The following TG variants were observed in gnomAD, a reference collection of about 807,000 sequenced individuals.
TG encodes the protein thyroglobulin.
In TG, 270 loss-of-function variants were observed where a neutral mutation model predicts 324.7. That is an observed-to-expected ratio of 0.83 (90% CI 0.75 to 0.92). TG has a LOEUF of 0.92. Ranked by LOEUF, TG falls within the 40% of genes least tolerant of loss-of-function variation. TG has a pLI of 0.00. For synonymous variants in TG, 1,401 were observed against 1,327.0 expected (o/e 1.06, Z -1.21); for missense variants, 3,591 against 3,456.4 (o/e 1.04, Z -0.98).
At position 133,038,379 on chromosome 8, in the gene TG, C is replaced by T. The variant is rs147729701; in HGVS notation, c.7239+8356C>T. Reference sequence around the variant, plus strand: ...GGTCATGATGTGGATAGAGAAGATGCGAATTTGAGTCTCCATGTGGCTTCT... The same window carrying T: ...GGTCATGATGTGGATAGAGAAGATGTGAATTTGAGTCTCCATGTGGCTTCT... On this transcript the variant is annotated intron_variant, in intron 41 of 47. Coordinates refer to ENST00000220616, the MANE Select transcript of TG (RefSeq NM_003235.5). 718 of 665,450 alleles carry T rather than the reference C, an allele frequency of 1.1e-3. 6 individuals are homozygous for T. In the East Asian group the frequency reaches 0.015, roughly 13 times the overall value. 41.2% of individuals were successfully genotyped at this position (665,450 alleles called of 1,614,324 possible).
At chr8:133,097,993 A>G (rs1848684946) in intron 43 of TG, among the ~76,000 whole-genome samples, 1 of 152,134 alleles carries the variant, frequency 6.6e-6, no homozygotes, top group Non-Finnish European at 1.5e-5. Context: ...AGTAAAACTT[A>G]GTCACCCTCA....
rs34491481 is a variant in TG, at chr8:132,930,683, CAA to C, written c.4816+1505_4816+1506del. Among the ~76,000 whole-genome samples the C allele has an allele frequency of 2.7e-3, 346 of 128,784 alleles. 1 individual carries two copies. Among genetic ancestry groups the C allele is most frequent in the East Asian group, 5.6e-3 (26 of 4,638 alleles). The allele number at this position is 128,784 out of a possible 152,430, so 84.5% of individuals were successfully genotyped here. On this transcript the variant is annotated intron_variant, in intron 23 of 47. Transcript: ENST00000220616. ...CTGGGCATCAAGAGTGAAACTCCGT[CAA>C]AAAAAAAAAAAAAGGAAGGGCAAAC...
At chr8:133,133,390 G>C in intron 46 of TG, 80 bp from the exon 47 acceptor site, 3 of 1,373,452 alleles carry the variant, frequency 2.2e-6, no homozygotes, top group Non-Finnish European at 3.1e-6. Flanking sequence ...CAGATACCGA[G>C]TGCAAGTGGG....
chr8:133,003,052 C>T (rs2130842990), intron 35 of TG: 4 of 1,067,386 alleles, frequency 3.7e-6, no homozygotes, highest in Non-Finnish European at 4.6e-6. Context: ...AGGTACCTCT[C>T]CTCTTTCCCT....
At chr8:133,129,809 G>C (rs746555832) in intron 45 of TG, among the ~76,000 whole-genome samples, 1 of 152,126 alleles carries the variant, frequency 6.6e-6, no homozygotes, top group Non-Finnish European at 1.5e-5. Context: ...TTATTTATCA[G>C]GTCATGACCT....
Position 133,029,867 on chromosome 8 carries a change from G to T in TG, c.7083G>T (p.Ala2361=), listed in dbSNP as rs116723711. Residue 2361 remains alanine, a synonymous_variant, in exon 41 of 48, where the codon GCG becomes GCT. Transcript: ENST00000220616. ...ACTGGGGGCTGCTGGACCAGGTGGC[G>T]GCTCTGACCTGGGTGCAGACCCACA... ...SGNWGLLDQV[A]ALTWVQTHIR... 5,538 of 1,614,216 alleles carry T rather than the reference G, an allele frequency of 3.4e-3. 18 individuals are homozygous for T. Among genetic ancestry groups the T allele is most frequent in the Middle Eastern group, 5.6e-3 (34 of 6,060 alleles).
At chr8:132,977,131 C>T (rs986500982) in intron 34 of TG, among the ~76,000 whole-genome samples, 2 of 152,198 alleles carry the variant, frequency 1.3e-5, no homozygotes, top group Admixed American at 1.3e-4. Context: ...GATGTAAAAT[C>T]CCAGCACTGA....
chr8:133,042,845 C>G lies in TG; in HGVS notation c.7239+12822C>G, dbSNP rs902384383. Among the ~76,000 whole-genome samples the G allele has an allele frequency of 1.6e-4, 24 of 151,782 alleles. 1 individual carries two copies. Among genetic ancestry groups the G allele is most frequent in the African/African-American group, 5.6e-4 (23 of 41,306 alleles). Reference sequence around the variant, plus strand: ...AATAGTTGGGATTACAGGCGCCCACCACCACACCTGGCTAAATTTTGTATT... The same window carrying G: ...AATAGTTGGGATTACAGGCGCCCACGACCACACCTGGCTAAATTTTGTATT... On this transcript the variant is annotated intron_variant, in intron 41 of 47. Coordinates refer to ENST00000220616, the MANE Select transcript of TG (RefSeq NM_003235.5).
intron 41 of TG, among the ~76,000 whole-genome samples, chr8:133,056,370 G>A (rs950742127): frequency 6.6e-5 from 10 of 152,164 alleles, no homozygotes; most frequent in African/African-American, 2.4e-4. Flanking sequence ...GATTTGACAC[G>A]GATTCACTGT....
At chr8:133,067,718 G>C (rs1176874002) in intron 41 of TG, among the ~76,000 whole-genome samples, 2 of 151,994 alleles carry the variant, frequency 1.3e-5, no homozygotes, top group Admixed American at 1.3e-4. Flanking sequence ...AGAGGCTGCA[G>C]TAAGCTGAGA....
At chr8:133,000,299 A>G (rs1329329223) in intron 35 of TG, among the ~76,000 whole-genome samples, 3 of 152,162 alleles carry the variant, frequency 2.0e-5, no homozygotes, top group Non-Finnish European at 4.4e-5. Context: ...GGGTAAACAG[A>G]TGGGAAGATG....
rs116127776 is a variant in TG at position 132,935,358 on chromosome 8, G to A, written c.4933-398G>A. On this transcript the variant is annotated intron_variant, in intron 24 of 47. Transcript: ENST00000220616. ...GGGGTCTCAACATGTTGGTCAGGCT[G>A]GTCTTGAACTCTAGACCCCAAATGA... Among the ~76,000 whole-genome samples, 556 of 151,932 alleles carry A rather than the reference G, an allele frequency of 3.7e-3. 6 individuals are homozygous for A. Among genetic ancestry groups the A allele is most frequent in the African/African-American group, 0.013 (522 of 41,396 alleles).
intron 41 of TG, among the ~76,000 whole-genome samples, chr8:133,033,296 G>A (rs1836801437): frequency 6.6e-6 from 1 of 152,144 alleles, no homozygotes; most frequent in Non-Finnish European, 1.5e-5. Flanking sequence ...CCCTTGCCAA[G>A]GGAAGGCAAC....
intron 30 of TG, among the ~76,000 whole-genome samples, 157 bp downstream of exon 30, chr8:132,966,854 A>G (rs1326389693): frequency 2.6e-5 from 4 of 152,148 alleles, no homozygotes; most frequent in African/African-American, 7.2e-5. Flanking sequence ...CACATAACCC[A>G]TATCTTCAAG....
intron 35 of TG, among the ~76,000 whole-genome samples, chr8:132,986,511 A>G (rs757732329): frequency 6.6e-6 from 1 of 152,112 alleles, no homozygotes. Context: ...TGAGTCTTCT[A>G]TGTTCCTACT....
At chr8:133,021,870 A>T (rs1051237223) in intron 39 of TG, 121 bp from the exon 40 acceptor site, 2 of 1,236,028 alleles carry the variant, frequency 1.6e-6, no homozygotes, top group East Asian at 4.8e-5. Flanking sequence ...CATCCACTGC[A>T]TGGGGCTAAG....
intron 15 of TG, among the ~76,000 whole-genome samples, 186 bp from the exon 16 acceptor site, chr8:132,901,167 C>T (rs1817868897): frequency 6.6e-6 from 1 of 152,228 alleles, no homozygotes; most frequent in South Asian, 2.1e-4. Context: ...GAGTACAGAG[C>T]TGAGCCAGGT....
chr8:132,982,359 T>C (rs929874869), intron 34 of TG, among the ~76,000 whole-genome samples: 7 of 152,350 alleles, frequency 4.6e-5, no homozygotes, highest in African/African-American at 1.7e-4. Flanking sequence ...CGTCCTAGTT[T>C]GGGCCACTGG....
intron 8 of TG, 26 bp downstream of exon 8, chr8:132,883,025 T>C (rs1344832863): frequency 6.2e-7 from 1 of 1,609,900 alleles, no homozygotes; most frequent in Non-Finnish European, 8.5e-7. Context: ...GGGCTTCCTC[T>C]TTCGGCCTCG....
Sources: gnomAD v4.1 joint callset for allele counts (sites outside exome capture counted in the v4.1 genomes callset) on GRCh38, gnomAD v4.1.1 for gene constraint, MANE v1.5 for transcripts, NCBI Gene and HGNC (gene_info 2026-07-23, HGNC 2026-07-21) for gene names.